The following PRKAR2B variants were observed in gnomAD, a reference collection of about 807,000 sequenced individuals.
PRKAR2B encodes the protein cAMP-dependent protein kinase type II-beta regulatory subunit.
Under a neutral mutation model 49.9 loss-of-function variants are expected in PRKAR2B, and 14 were observed. That is an observed-to-expected ratio of 0.28 (90% CI 0.19 to 0.44). The LOEUF is 0.44. Among genes scored for constraint, PRKAR2B ranks in the 20% least tolerant of loss-of-function variants. The pLI is 1.00. For synonymous variants in PRKAR2B, 196 were observed against 197.7 expected (o/e 0.99, Z 0.07); for missense variants, 393 against 537.9 (o/e 0.73, Z 2.67).
In PRKAR2B at chr7:107,096,149, A is replaced by G. The variant is rs546409274; in HGVS notation, c.344-25803A>G. On this transcript the variant is annotated intron_variant, in intron 2 of 10. Coordinates refer to ENST00000265717, the MANE Select transcript of PRKAR2B (RefSeq NM_002736.3). ...GTCTGGTCCTGGACTCTTTTTGGTT[A>G]GTAGGCTATTAATTGTTGCCTCAAT... 1.6e-4 allele frequency among the ~76,000 whole-genome samples: 25 copies of G among 152,176 alleles called. No homozygotes were observed. In the South Asian group the frequency reaches 5.2e-3, roughly 32 times the overall value.
chr7:107,094,133 G>A (rs1369974108), intron 2 of PRKAR2B, among the ~76,000 whole-genome samples: 1 of 152,224 alleles, frequency 6.6e-6, no homozygotes, highest in African/African-American at 2.4e-5. Context: ...CACCAACAGT[G>A]TAAAAGTGTT....
At chr7:107,084,562 GA>G (rs1244916226) in intron 2 of PRKAR2B, among the ~76,000 whole-genome samples, 2 of 151,544 alleles carry the variant, frequency 1.3e-5, no homozygotes, top group South Asian at 4.2e-4. Flanking sequence ...GGATCAGGGA[GA>G]AAACCCTTAA....
At chr7:107,126,059 G>A (rs1343283066) in intron 3 of PRKAR2B, among the ~76,000 whole-genome samples, 2 of 134,356 alleles carry the variant, frequency 1.5e-5, no homozygotes, top group East Asian at 4.5e-4. Context: ...CTGCACTTTA[G>A]CCTGGGTGAC....
In PRKAR2B at chr7:107,126,420, C is replaced by CAAAAAAAAAAAAAAAAAAAAAA. The variant is rs35682952; in HGVS notation, c.397-1790_397-1769dup. Among the ~76,000 whole-genome samples the CAAAAAAAAAAAAAAAAAAAAAA allele has an allele frequency of 6.3e-4, 24 of 38,394 alleles. 2 individuals carry two copies. The highest frequency in any genetic ancestry group is 1.1e-3 in the Non-Finnish European group (21 of 19,216). The allele number at this position is 38,394 out of a possible 152,430, so 25.2% of individuals were successfully genotyped here. On this transcript the variant is annotated intron_variant, in intron 3 of 10. Transcript: ENST00000265717. ...TGGGCAACAGAGTGAGAATCTGTCT[C>CAAAAAAAAAAAAAAAAAAAAAA]AAAAAAAAAAAAAAAAAAAAAAAGT...
chr7:107,062,308 G>C lies in PRKAR2B; in HGVS notation c.308-7973G>C, dbSNP rs1438492711. On this transcript the variant is annotated intron_variant, in intron 1 of 10. Coordinates refer to ENST00000265717, the MANE Select transcript of PRKAR2B (RefSeq NM_002736.3). The stretch of plus-strand genomic sequence containing the variant: ...TTTTCAATGAATATTACCAACAAAG[G>C]GTTGAATATTTAGAAGAATATTAAA... Among the ~76,000 whole-genome samples, 3 of 151,960 alleles carry C rather than the reference G, an allele frequency of 2.0e-5. No individual in the cohort carries two copies. The East Asian group carries it at 5.8e-4, about 29-fold the overall frequency.
chr7:107,111,805 C>G lies in PRKAR2B; in HGVS notation c.344-10147C>G, dbSNP rs77649336. ...ACTTTTAATAACATTTCTAAACTGA[C>G]CCCTCTGTTCCCACTTCCACCCCCA... On this transcript the variant is annotated intron_variant, in intron 2 of 10. Coordinates refer to ENST00000265717, the MANE Select transcript of PRKAR2B (RefSeq NM_002736.3). Among the ~76,000 whole-genome samples the G allele has an allele frequency of 1.1e-3, 173 of 151,820 alleles. 1 individual carries two copies. Among genetic ancestry groups the G allele is most frequent in the African/African-American group, 4.0e-3 (166 of 41,390 alleles).
intron 2 of PRKAR2B, among the ~76,000 whole-genome samples, chr7:107,072,287 G>A (rs1387786728): frequency 6.6e-6 from 1 of 151,874 alleles, no homozygotes; most frequent in African/African-American, 2.4e-5. Context: ...ACAGCAGTAA[G>A]CCTTAAAAGG....
At chr7:107,133,112 G>C (rs923369403) in intron 4 of PRKAR2B, among the ~76,000 whole-genome samples, 6 of 152,180 alleles carry the variant, frequency 3.9e-5, no homozygotes, top group Admixed American at 2.6e-4. Flanking sequence ...AGAATTAGAT[G>C]TGGATTTCCT....
chr7:107,158,110 G>A (rs1016901552), intron 10 of PRKAR2B, among the ~76,000 whole-genome samples: 1 of 152,178 alleles, frequency 6.6e-6, no homozygotes, highest in Non-Finnish European at 1.5e-5. Context: ...AATTTGGATG[G>A]AAGAGAAGAC....
At chr7:107,079,027 C>G (rs1352938531) in intron 2 of PRKAR2B, among the ~76,000 whole-genome samples, 2 of 152,060 alleles carry the variant, frequency 1.3e-5, no homozygotes, top group Admixed American at 1.3e-4. Context: ...ACCCCGTGTG[C>G]CTTAATTACA....
At chr7:107,114,524 G>C (rs924276427) in intron 2 of PRKAR2B, among the ~76,000 whole-genome samples, 1 of 137,664 alleles carries the variant, frequency 7.3e-6, no homozygotes, top group African/African-American at 3.2e-5. Flanking sequence ...ACCATGCCCG[G>C]TTAATTTTTT....
intron 2 of PRKAR2B, among the ~76,000 whole-genome samples, chr7:107,119,935 T>C (rs143434360): frequency 2.0e-5 from 3 of 152,306 alleles, no homozygotes; most frequent in Non-Finnish European, 4.4e-5. Flanking sequence ...CGCGGGTAAA[T>C]TCACCAAAGC....
intron 5 of PRKAR2B, among the ~76,000 whole-genome samples, chr7:107,144,262 A>G (rs900031218): frequency 3.3e-5 from 5 of 151,380 alleles, no homozygotes; most frequent in Admixed American, 3.3e-4. Context: ...ATTTTTTTGT[A>G]TTTTTAGTAG....
intron 2 of PRKAR2B, chr7:107,078,306 A>G (rs1301329274): frequency 1.3e-5 from 2 of 152,304 alleles, no homozygotes; most frequent in Admixed American, 6.5e-5. Flanking sequence ...GTGAGGCTGA[A>G]ATCAAGGGTC....
At chr7:107,107,910 C>T (rs1795106570) in intron 2 of PRKAR2B, among the ~76,000 whole-genome samples, 2 of 151,688 alleles carry the variant, frequency 1.3e-5, no homozygotes, top group East Asian at 1.9e-4. Flanking sequence ...CCTGCCTTGG[C>T]CTCCCAAAGT....
intron 1 of PRKAR2B, chr7:107,066,909 A>C (rs1230572138): frequency 6.6e-6 from 1 of 152,190 alleles, no homozygotes; most frequent in Non-Finnish European, 1.5e-5. Context: ...CCCTGAAAGA[A>C]GGAGGGCAGA....
At chr7:107,106,777 A>AC (rs1252930836) in intron 2 of PRKAR2B, among the ~76,000 whole-genome samples, 3 of 151,348 alleles carry the variant, frequency 2.0e-5, no homozygotes, top group East Asian at 1.9e-4. Flanking sequence ...ACCTGGCAGG[A>AC]CCCCCCTCAG....
chr7:107,149,431 C>T (rs1193930334), intron 6 of PRKAR2B, among the ~76,000 whole-genome samples: 1 of 152,046 alleles, frequency 6.6e-6, no homozygotes, highest in Non-Finnish European at 1.5e-5. Flanking sequence ...AAGATCAAGG[C>T]ACCAGAAGAT....
chr7:107,096,295 G>T (rs1044661683), intron 2 of PRKAR2B, among the ~76,000 whole-genome samples: 2 of 152,126 alleles, frequency 1.3e-5, no homozygotes, highest in Admixed American at 6.5e-5. Flanking sequence ...TTGCATAGAG[G>T]TGTTTATAGT....
Sources: gnomAD v4.1 joint callset for allele counts (sites outside exome capture counted in the v4.1 genomes callset) on GRCh38, gnomAD v4.1.1 for gene constraint, MANE v1.5 for transcripts, NCBI Gene and HGNC (gene_info 2026-07-23, HGNC 2026-07-21) for gene names.